TNIK: variants seen among roughly 807,000 people sequenced by gnomAD.
The protein encoded by TNIK is TRAF2 and NCK interacting kinase.
A neutral mutation model predicts 191.3 loss-of-function variants in TNIK; 49 were observed. The ratio of observed to expected loss-of-function variants is 0.26; its 90% confidence interval spans 0.20 to 0.32. The LOEUF (loss-of-function observed/expected upper bound fraction) is 0.32. TNIK is among the 10% of genes least tolerant of loss of function. TNIK has a pLI of 1.00. For synonymous variants in TNIK, 594 were observed against 600.9 expected (o/e 0.99, Z 0.17); for missense variants, 1,155 against 1,702.3 (o/e 0.68, Z 5.66).
chr3:171,255,775 G>T (rs941766032), intron 2 of TNIK, among the ~76,000 whole-genome samples: 2 of 152,164 alleles, frequency 1.3e-5, no homozygotes, highest in African/African-American at 4.8e-5. Context: ...CCCCAGGTGT[G>T]GCTGCTGCTC....
Position 171,138,226 on chromosome 3 carries a change from T to C in TNIK, c.1573A>G (p.Met525Val), listed in dbSNP as rs1730310888. 1 of 1,612,216 alleles carries C rather than the reference T, an allele frequency of 6.2e-7. No individual in the cohort carries two copies. Among genetic ancestry groups the C allele is most frequent in the Non-Finnish European group, 8.5e-7 (1 of 1,179,468 alleles). The change falls in exon 15 of 33, where the codon ATG (methionine) becomes GTG (valine). Residue 525 changes from methionine to valine, a missense_variant. This residue lies in a region of TNIK where 735 missense variants were observed against 848.0 expected (regional missense o/e 0.87). Transcript: ENST00000436636. ...KKPLYHYKEG[M>V]SPSEKPAWAK... Reference sequence around the variant, plus strand: ...CATGCTGGCTTCTCACTAGGACTCATTCCTTCTTTGTAATGGTACAGTGGC... The same window carrying C: ...CATGCTGGCTTCTCACTAGGACTCACTCCTTCTTTGTAATGGTACAGTGGC...
Position 171,203,814 on chromosome 3 carries a change from C to T in TNIK, c.306+7302G>A, listed in dbSNP as rs1348736407. Among the ~76,000 whole-genome samples, 6 of 152,158 alleles carry T rather than the reference C, an allele frequency of 3.9e-5. No individual in the cohort carries two copies. In the South Asian group the frequency reaches 6.2e-4, roughly 16 times the overall value. ...AGAATCTTTGTCCTTAAAACGCACA[C>T]GGTATAATTTCTTAAGTCTTGGCTC... On this transcript the variant is annotated intron_variant, in intron 4 of 32. Coordinates refer to ENST00000436636, the MANE Select transcript of TNIK (RefSeq NM_015028.4).
intron 20 of TNIK, 59 bp from the exon 21 acceptor site, chr3:171,107,265 A>C: frequency 1.3e-6 from 2 of 1,553,356 alleles, no homozygotes; most frequent in Admixed American, 3.8e-5. Flanking sequence ...GCCAGCAGAA[A>C]GGCAGCAGAT....
chr3:171,239,573 A>G (rs769499401), intron 2 of TNIK, among the ~76,000 whole-genome samples: 2 of 152,240 alleles, frequency 1.3e-5, no homozygotes, highest in Non-Finnish European at 2.9e-5. Context: ...TCCACCTGCA[A>G]TAGCAGAAGA....
At chr3:171,440,104 C>T (rs567223435) in intron 1 of TNIK, among the ~76,000 whole-genome samples, 1 of 152,232 alleles carries the variant, frequency 6.6e-6, no homozygotes, top group African/African-American at 2.4e-5. Flanking sequence ...GGCGAATGAC[C>T]ACAATGATTA....
At chr3:171,457,643 C>T (rs1728932245) in intron 1 of TNIK, among the ~76,000 whole-genome samples, 1 of 152,196 alleles carries the variant, frequency 6.6e-6, no homozygotes, top group South Asian at 2.1e-4. Flanking sequence ...CCTTTGGACC[C>T]ACTCCAGCAG....
intron 1 of TNIK, among the ~76,000 whole-genome samples, chr3:171,403,129 C>A (rs1721157540): frequency 6.6e-6 from 1 of 152,260 alleles, no homozygotes; most frequent in East Asian, 1.9e-4. Context: ...TATGGCAGGC[C>A]TAGGGCACAG....
rs201545410 is a variant in TNIK at position 171,068,814 on chromosome 3, G to A, written c.3699+34C>T. On this transcript the variant is annotated intron_variant, in intron 30 of 32. Coordinates refer to ENST00000436636, the MANE Select transcript of TNIK (RefSeq NM_015028.4). ...CTTTCTACATGCAGGCTGTTGTACA[G>A]AGAGCCCTTGAAAGTCTACTTCTGA... 8.5e-4 allele frequency: 1,354 copies of A among 1,594,682 alleles called. 13 individuals carry two copies. Among genetic ancestry groups the A allele is most frequent in the Non-Finnish European group, 1.9e-4 (221 of 1,170,148 alleles).
chr3:171,200,327 CA>C (rs1366754649), intron 4 of TNIK, among the ~76,000 whole-genome samples: 2 of 151,700 alleles, frequency 1.3e-5, no homozygotes, highest in African/African-American at 4.8e-5. Context: ...AGGAGGTGTC[CA>C]AAAAAAGCAC....
chr3:171,358,206 C>A (rs184211256), intron 2 of TNIK, among the ~76,000 whole-genome samples: 1 of 152,174 alleles, frequency 6.6e-6, no homozygotes, highest in East Asian at 1.9e-4. Flanking sequence ...ACAGCCCAGA[C>A]ATTTTAATAT....
intron 1 of TNIK, among the ~76,000 whole-genome samples, chr3:171,385,077 G>A (rs1359064931): frequency 2.0e-5 from 3 of 152,120 alleles, no homozygotes; most frequent in Admixed American, 2.0e-4. Flanking sequence ...ACTCAAAGGT[G>A]GCCAAACATG....
At chr3:171,222,705 T>A (rs1742504775) in intron 3 of TNIK, among the ~76,000 whole-genome samples, 1 of 152,260 alleles carries the variant, frequency 6.6e-6, no homozygotes, top group Middle Eastern at 3.4e-3. Context: ...GAAGACCACT[T>A]CCTTACTCTT....
chr3:171,394,699 G>A (rs1263139235), intron 1 of TNIK, among the ~76,000 whole-genome samples: 1 of 152,122 alleles, frequency 6.6e-6, no homozygotes, highest in Admixed American at 6.5e-5. Flanking sequence ...TTACTCTTGG[G>A]TTTTGTCTAA....
intron 1 of TNIK, among the ~76,000 whole-genome samples, chr3:171,402,353 AC>A (rs1721052059): frequency 6.6e-6 from 1 of 152,250 alleles, no homozygotes; most frequent in Admixed American, 6.5e-5. Flanking sequence ...AAGTAAGGCA[AC>A]CAGTCTAAAG....
chr3:171,268,833 T>C (rs1008385201), intron 2 of TNIK, among the ~76,000 whole-genome samples: 2 of 152,124 alleles, frequency 1.3e-5, no homozygotes, highest in Admixed American at 6.5e-5. Context: ...ACAATGCCAG[T>C]GAAGTTACAG....
At chr3:171,310,792 C>T (rs1753936957) in intron 2 of TNIK, among the ~76,000 whole-genome samples, 1 of 152,086 alleles carries the variant, frequency 6.6e-6, no homozygotes, top group African/African-American at 2.4e-5. Flanking sequence ...AGTCCCTCAC[C>T]TTACATGTTG....
In TNIK at chr3:171,108,129, G is replaced by C; in HGVS notation, c.2318C>G (p.Pro773Arg). ...NSKSEGSPVL[P>R]HEPAKVKPEE... ...TGGTTTCACCTTCGCAGGCTCATGG[G>C]GGAGCACAGGTGATCCTTCTGACTT... The change falls in exon 20 of 33, where the codon CCC becomes CGC. Residue 773 changes from proline (P) to arginine (R), a missense_variant. This residue lies in a region of TNIK where 735 missense variants were observed against 848.0 expected (regional missense o/e 0.87). Transcript: ENST00000436636. 1 of 1,575,394 alleles carries C rather than the reference G, an allele frequency of 6.3e-7. No homozygotes were observed. Among genetic ancestry groups the C allele is most frequent in the Non-Finnish European group, 8.6e-7 (1 of 1,159,702 alleles).
At chr3:171,122,585 T>A (rs553101123) in intron 18 of TNIK, among the ~76,000 whole-genome samples, 1 of 152,366 alleles carries the variant, frequency 6.6e-6, no homozygotes, top group East Asian at 1.9e-4. Context: ...ACCCCTTCCC[T>A]AAGGCTTTTC....
chr3:171,287,308 T>C (rs1270083534), intron 2 of TNIK, among the ~76,000 whole-genome samples: 1 of 152,252 alleles, frequency 6.6e-6, no homozygotes, highest in Admixed American at 6.5e-5. Flanking sequence ...ATTTTTATCA[T>C]TGATTCTTTT....
Sources: allele counts gnomAD v4.1 joint callset (sites outside exome capture counted in the v4.1 genomes callset), GRCh38; gene constraint gnomAD v4.1.1; regional missense constraint gnomAD v4.1.1; transcripts MANE v1.5; gene names NCBI Gene and HGNC (gene_info 2026-07-23, HGNC 2026-07-21).